The following G3BP2 variants were observed in gnomAD, a reference collection of about 807,000 sequenced individuals.
G3BP2 encodes G3BP stress granule assembly factor 2.
A neutral mutation model predicts 56.7 loss-of-function variants in G3BP2; 11 were observed. That is an observed-to-expected ratio of 0.19 (90% CI 0.12 to 0.32). The LOEUF (loss-of-function observed/expected upper bound fraction) is 0.32, where lower values mean the gene tolerates loss of function less well. G3BP2 is among the 10% of genes least tolerant of loss of function. The pLI, the probability that G3BP2 is intolerant of heterozygous loss-of-function variation, is 1.00. For missense variants in G3BP2, 340 were observed against 610.9 expected (o/e 0.56, Z 4.67); for synonymous variants, 165 against 191.6 (o/e 0.86, Z 1.15).
chr4:75,650,068 A>T (rs1403230287), intron 8 of G3BP2, among the ~76,000 whole-genome samples: 1 of 152,196 alleles, frequency 6.6e-6, no homozygotes, highest in Non-Finnish European at 1.5e-5. Context: ...ACCTCAGTCC[A>T]TGCAGCGGCT....
chr4:75,674,718 A>ATATATATATATATATATAT (rs1241041465), upstream of G3BP2, among the ~76,000 whole-genome samples: 3 of 71,424 alleles, frequency 4.2e-5, no homozygotes, highest in African/African-American at 1.8e-4. Context: ...ATATATATAT[A>ATATATATATATATATATAT]TTTTTTTTTT....
At chr4:75,697,537 G>A (rs1382228276) in intron 3 of G3BP2, among the ~76,000 whole-genome samples, 1 of 152,042 alleles carries the variant, frequency 6.6e-6, no homozygotes, top group Non-Finnish European at 1.5e-5. Context: ...ATAGTATCTT[G>A]TAAACAAGTG....
Position 75,653,944 on chromosome 4 carries a change from T to C in G3BP2, c.825+39A>G, listed in dbSNP as rs1426899013. On this transcript the variant is annotated intron_variant, in intron 8 of 11. Coordinates refer to ENST00000359707, the MANE Select transcript of G3BP2 (RefSeq NM_203505.3). ...TTTTAAAAATAAGCAATTGGCAATG[T>C]AACAAGGATACAATCCAATGTGTTC... 7.9e-6 allele frequency: 7 copies of C among 885,580 alleles called. No individual in the cohort carries two copies. The African/African-American group carries it at 9.8e-5, about 12-fold the overall frequency. The allele number at this position is 885,580 out of a possible 1,614,324, so 54.9% of individuals were successfully genotyped here. A position where few individuals can be genotyped will look rare whatever the true frequency, so the allele number is the denominator to read the frequency against.
upstream of G3BP2, among the ~76,000 whole-genome samples, chr4:75,675,764 C>T (rs1436663130): frequency 5.3e-5 from 8 of 152,132 alleles, no homozygotes; most frequent in African/African-American, 1.7e-4. Flanking sequence ...TGCACTCCAG[C>T]CTGGGTGACA....
chr4:75,674,972 C>T (rs1733810718), upstream of G3BP2, among the ~76,000 whole-genome samples: 1 of 152,002 alleles, frequency 6.6e-6, no homozygotes, highest in Non-Finnish European at 1.5e-5. Flanking sequence ...ATCCGCCCGC[C>T]TTGGCCTCCT....
In G3BP2 at chr4:75,673,089, C is replaced by T. The variant is rs1367379485; in HGVS notation, c.-25+119G>A. 6.8e-6 allele frequency: 7 copies of T among 1,036,132 alleles called. No individual in the cohort carries two copies. In the East Asian group the frequency reaches 3.7e-4, roughly 55 times the overall value. The allele number at this position is 1,036,132 out of a possible 1,614,324, so 64.2% of individuals were successfully genotyped here. A position where few individuals can be genotyped will look rare whatever the true frequency, so the allele number is the denominator to read the frequency against. On this transcript the variant is annotated intron_variant, in intron 1 of 11. Coordinates refer to ENST00000359707, the MANE Select transcript of G3BP2 (RefSeq NM_203505.3). ...GGAGCCGGCAAGAACAATGTCTCTG[C>T]CGCTACACCTCCGGCTCCCGGGCTC...
At chr4:75,649,947 G>T (rs1386062046) in intron 8 of G3BP2, among the ~76,000 whole-genome samples, 2 of 152,046 alleles carry the variant, frequency 1.3e-5, no homozygotes, top group African/African-American at 2.4e-5. Flanking sequence ...GAAGACGGAG[G>T]TTGCAGTGAG....
intron 3 of G3BP2, among the ~76,000 whole-genome samples, chr4:75,712,920 C>A (rs1009683308): frequency 1.3e-5 from 2 of 151,898 alleles, no homozygotes; most frequent in Non-Finnish European, 2.9e-5. Context: ...CTAAAACCAG[C>A]AAAAGGAACT....
At chr4:75,674,718 A>ATATATATATATATATTTTTT (rs1241041465), upstream of G3BP2, among the ~76,000 whole-genome samples, 1 of 71,430 alleles carries the variant, frequency 1.4e-5, no homozygotes, top group African/African-American at 5.9e-5. Flanking sequence ...ATATATATAT[A>ATATATATATATATATTTTTT]TTTTTTTTTT....
intron 3 of G3BP2, among the ~76,000 whole-genome samples, chr4:75,679,483 C>T (rs1283827352): frequency 9.2e-5 from 14 of 152,162 alleles, no homozygotes; most frequent in African/African-American, 3.1e-4. Flanking sequence ...TAAAATATGT[C>T]TCACATCCAG....
At chr4:75,687,920 T>A (rs1474017058) in intron 3 of G3BP2, among the ~76,000 whole-genome samples, 3 of 152,168 alleles carry the variant, frequency 2.0e-5, no homozygotes, top group African/African-American at 7.2e-5. Flanking sequence ...GTGAAAGCTA[T>A]TAGGAGGGTG....
intron 2 of G3BP2, chr4:75,661,693 G>A (rs553656615): frequency 7.4e-5 from 28 of 380,564 alleles, no homozygotes; most frequent in Admixed American, 2.6e-4. Flanking sequence ...AAGAATAAGC[G>A]TGTGCATATA....
Position 75,694,421 on chromosome 4 carries a change from G to A in G3BP2, c.-25+26456C>T, listed in dbSNP as rs555500823. ...TTGAGACCATCCTGGCTAACATGGT[G>A]AAACCCCCGTCTCTACTAAAAATAC... On this transcript the variant is annotated intron_variant, in intron 3 of 3. Transcript: ENST00000499709. Among the ~76,000 whole-genome samples, 4 of 152,350 alleles carry A rather than the reference G, an allele frequency of 2.6e-5. No individual in the cohort carries two copies. The South Asian group carries it at 8.3e-4, about 32-fold the overall frequency.
At chr4:75,717,037 A>T (rs1719956668) in intron 3 of G3BP2, among the ~76,000 whole-genome samples, 1 of 152,170 alleles carries the variant, frequency 6.6e-6, no homozygotes, top group South Asian at 2.1e-4. Context: ...TGCCTATGCC[A>T]GTTCTGGACC....
intron 10 of G3BP2, among the ~76,000 whole-genome samples, chr4:75,646,807 T>C (rs1314434590): frequency 6.6e-6 from 1 of 152,230 alleles, no homozygotes; most frequent in Non-Finnish European, 1.5e-5. Flanking sequence ...CAGCTGTTTC[T>C]TCTAAACACT....
chr4:75,673,432 C>G (rs999067666), upstream of G3BP2: 1 of 1,232,146 alleles, frequency 8.1e-7, no homozygotes, highest in African/African-American at 1.6e-5. Flanking sequence ...TTTGCCACCG[C>G]CCCCTCTTAT....
chr4:75,708,008 A>G (rs1719618071), intron 3 of G3BP2, among the ~76,000 whole-genome samples: 1 of 152,206 alleles, frequency 6.6e-6, no homozygotes, highest in Non-Finnish European at 1.5e-5. Context: ...GACCCTCTAT[A>G]ACCAACTATG....
upstream of G3BP2, among the ~76,000 whole-genome samples, chr4:75,678,034 GC>G (rs1428038257): frequency 1.3e-5 from 2 of 152,216 alleles, no homozygotes; most frequent in Non-Finnish European, 2.9e-5. Context: ...CATCTTTGAA[GC>G]AGAGCAAGCC....
At chr4:75,650,650 A>G (rs1731622449) in intron 8 of G3BP2, among the ~76,000 whole-genome samples, 1 of 148,544 alleles carries the variant, frequency 6.7e-6, no homozygotes, top group Admixed American at 6.7e-5. Flanking sequence ...AATATTTTTA[A>G]CTCTCTCCAG....
Sources: allele counts gnomAD v4.1 joint callset (sites outside exome capture counted in the v4.1 genomes callset), GRCh38; gene constraint gnomAD v4.1.1; transcripts MANE v1.5; gene names NCBI Gene and HGNC (gene_info 2026-07-23, HGNC 2026-07-21).